ADAMDEC1: variants seen among roughly 807,000 people sequenced by gnomAD.
The protein encoded by ADAMDEC1 is ADAM DEC1.
Under a neutral mutation model 60.4 loss-of-function variants are expected in ADAMDEC1, and 62 were observed. The observed-to-expected ratio is 1.03, with a 90% CI of 0.84 to 1.27. ADAMDEC1 has a LOEUF of 1.27. ADAMDEC1 is among the 50% of genes most tolerant of loss of function. ADAMDEC1 has a pLI of 0.00. For missense variants in ADAMDEC1, 595 were observed against 565.0 expected, an observed-to-expected ratio of 1.05 and a Z score of -0.54; for synonymous variants, 210 against 195.1, an observed-to-expected ratio of 1.08 and a Z score of -0.64.
Position 24,397,664 on chromosome 8 carries a change from T to C in ADAMDEC1, c.628-19T>C, listed in dbSNP as rs1817650202. 1 of 1,604,894 alleles carries C rather than the reference T, an allele frequency of 6.2e-7. No individual in the cohort carries two copies. The highest frequency in any genetic ancestry group is 8.5e-7 in the Non-Finnish European group (1 of 1,173,338). On this transcript the variant is annotated intron_variant, in intron 6 of 13. Transcript: ENST00000256412. Reference sequence around the variant, plus strand: ...GGATAAAGATAATGATTAACAATGTTCTTTTATTCTTTGTAAAGAAAGAAG... The same window carrying C: ...GGATAAAGATAATGATTAACAATGTCCTTTTATTCTTTGTAAAGAAAGAAG...
rs777606543 is a variant in ADAMDEC1 at position 24,402,037 on chromosome 8, T to G, written c.1265T>G (p.Val422Gly). 6.2e-7 allele frequency: 1 copy of G among 1,613,046 alleles called. No individual in the cohort carries two copies. Among genetic ancestry groups the G allele is most frequent in the Non-Finnish European group, 8.5e-7 (1 of 1,179,370 alleles). Residue 422 changes from valine (V) to glycine (G), a missense_variant, in exon 12 of 14, where the codon GTG (valine) becomes GGG (glycine). Coordinates refer to ENST00000256412, the MANE Select transcript of ADAMDEC1 (RefSeq NM_014479.3). Reference protein sequence around the residue: ...PIPTNIMTTPVCGNHLLEVGE... With the variant: ...PIPTNIMTTPGCGNHLLEVGE... ...CCTACAAATATAATGACAACACCAGTGTGTGGGAACCACCTTCTAGAAGTG... is the reference window on the plus strand; with the variant it reads ...CCTACAAATATAATGACAACACCAGGGTGTGGGAACCACCTTCTAGAAGTG...
intron 1 of ADAMDEC1, among the ~76,000 whole-genome samples, chr8:24,390,549 GTCTC>G (rs1817416398): frequency 6.6e-6 from 1 of 152,034 alleles, no homozygotes; most frequent in Admixed American, 6.6e-5. Flanking sequence ...GTGAAATCCT[GTCTC>G]TACTAAAAAT....
rs377596281 is a variant in ADAMDEC1 at position 24,402,047 on chromosome 8, C to A, written c.1275C>A (p.Asn425Lys). ...TAATGACAACACCAGTGTGTGGGAACCACCTTCTAGAAGTGGGAGAAGACT... is the reference window on the plus strand; with the variant it reads ...TAATGACAACACCAGTGTGTGGGAAACACCTTCTAGAAGTGGGAGAAGACT... ...TNIMTTPVCGNHLLEVGEDCD... is the reference protein window; with the variant it reads ...TNIMTTPVCGKHLLEVGEDCD... The change falls in exon 12 of 14, where the codon AAC becomes AAA. Residue 425 changes from asparagine to lysine, a missense_variant. Physicochemically the swap from Asn to Lys is moderately conservative, Grantham distance 94. Transcript: ENST00000256412. 1 of 1,612,942 alleles carries A rather than the reference C, an allele frequency of 6.2e-7. No individual in the cohort carries two copies. The highest frequency in any genetic ancestry group is 8.5e-7 in the Non-Finnish European group (1 of 1,179,208).
At position 24,395,847 on chromosome 8, in the gene ADAMDEC1, A is replaced by C. The variant is rs1410189942; in HGVS notation, c.440+51A>C. On this transcript the variant is annotated intron_variant, in intron 5 of 13. Coordinates refer to ENST00000256412, the MANE Select transcript of ADAMDEC1 (RefSeq NM_014479.3). ...AAGATCAAGAAGCTTTTTGTTACAC[A>C]GAATTAAGGGCTACTAGATATTGTC... 3.6e-6 allele frequency: 5 copies of C among 1,374,222 alleles called. No individual in the cohort carries two copies. In the African/African-American group the frequency reaches 7.2e-5, roughly 20 times the overall value. 85.1% of individuals were successfully genotyped at this position (1,374,222 alleles called of 1,614,324 possible).
In ADAMDEC1 at chr8:24,398,839, G is replaced by C. The variant is rs180842896; in HGVS notation, c.763-35G>C. 4.9e-5 allele frequency: 79 copies of C among 1,602,644 alleles called. No individual in the cohort carries two copies. The Admixed American group carries it at 1.3e-3, about 27-fold the overall frequency. ...AGCTCTCAGACACGAAAGGAATCCT[G>C]AACATTTTTATGAAGATAAATGCTC... On this transcript the variant is annotated intron_variant, in intron 8 of 13. Coordinates refer to ENST00000256412, the MANE Select transcript of ADAMDEC1 (RefSeq NM_014479.3).
At chr8:24,386,830 G>A (rs1236763851) in intron 1 of ADAMDEC1, among the ~76,000 whole-genome samples, 1 of 152,172 alleles carries the variant, frequency 6.6e-6, no homozygotes, top group South Asian at 2.1e-4. Context: ...GCTGACCGAT[G>A]AAGTGAGTAC....
At chr8:24,403,270 T>TA (rs976154874) in intron 12 of ADAMDEC1, among the ~76,000 whole-genome samples, 1 of 152,148 alleles carries the variant, frequency 6.6e-6, no homozygotes, top group Non-Finnish European at 1.5e-5. Context: ...CAAAAAGTAG[T>TA]ATGTATACTT....
In ADAMDEC1 at chr8:24,400,171, C is replaced by T; in HGVS notation, c.1013C>T (p.Ala338Val). The T allele has an allele frequency of 6.4e-7, 1 of 1,568,766 alleles. No individual in the cohort carries two copies. The highest frequency in any genetic ancestry group is 1.2e-5 in the South Asian group (1 of 81,528). Residue 338 changes from alanine (A) to valine (V), a missense_variant and splice_region_variant, in exon 11 of 14, where the codon GCT becomes GTT. By Grantham distance (64) the Ala-to-Val change is moderately conservative (BLOSUM62 0). Coordinates refer to ENST00000256412, the MANE Select transcript of ADAMDEC1 (RefSeq NM_014479.3). ...AATAAATATATCTACTTTTTCCAGGCTAAAAAAAAGAATAATGTGGCTCTT... is the reference window on the plus strand; with the variant it reads ...AATAAATATATCTACTTTTTCCAGGTTAAAAAAAAGAATAATGTGGCTCTT... ...CSPSSVAVIE[A>V]KKKNNVALVG...
chr8:24,385,989 G>T (rs1239864664), intron 1 of ADAMDEC1, among the ~76,000 whole-genome samples: 1 of 151,662 alleles, frequency 6.6e-6, no homozygotes, highest in African/African-American at 2.4e-5. Context: ...TTCCTCAGAG[G>T]TCTCAAAATA....
Position 24,395,704 on chromosome 8 carries a change from C to CT in ADAMDEC1, c.364-10dup, listed in dbSNP as rs1217784071. ...CACACACATTTCTGAAGCATAATTTCTTTTTTCCACTCCAGGAACACTGTT... is the reference window on the plus strand; with the variant it reads ...CACACACATTTCTGAAGCATAATTTCTTTTTTTCCACTCCAGGAACACTGTT... On this transcript the variant is annotated splice_polypyrimidine_tract_variant and intron_variant, in intron 4 of 13. Transcript: ENST00000256412. 4 of 1,592,302 alleles carry CT rather than the reference C, an allele frequency of 2.5e-6. No individual in the cohort carries two copies. The highest frequency in any genetic ancestry group is 3.4e-5 in the Admixed American group (2 of 59,266).
At chr8:24,386,528 C>T (rs982479755) in intron 1 of ADAMDEC1, among the ~76,000 whole-genome samples, 2 of 152,186 alleles carry the variant, frequency 1.3e-5, no homozygotes, top group Non-Finnish European at 2.9e-5. Flanking sequence ...ATTCACCAAT[C>T]TACTGCTCCT....
In ADAMDEC1 at chr8:24,402,054, C is replaced by CT. The variant is rs1563357949; in HGVS notation, c.1283dup (p.Glu429ArgfsTer7). 6.2e-7 allele frequency: 1 copy of CT among 1,612,642 alleles called. No homozygotes were observed. Among genetic ancestry groups the CT allele is most frequent in the Non-Finnish European group, 8.5e-7 (1 of 1,179,136 alleles). Reference sequence around the variant, plus strand: ...AACACCAGTGTGTGGGAACCACCTTCTAGAAGTGGGAGAAGACTGTGATTG... The same window carrying CT: ...AACACCAGTGTGTGGGAACCACCTTCTTAGAAGTGGGAGAAGACTGTGATTG... On this transcript the variant is annotated frameshift_variant, in exon 12 of 14. Transcript: ENST00000256412. LOFTEE classifies it high-confidence loss of function.
In ADAMDEC1 at chr8:24,394,679, C is replaced by G. The variant is rs537028147; in HGVS notation, c.363+532C>G. 3.3e-5 allele frequency among the ~76,000 whole-genome samples: 5 copies of G among 152,074 alleles called. No individual in the cohort carries two copies. The South Asian group carries it at 6.2e-4, about 19-fold the overall frequency. On this transcript the variant is annotated intron_variant, in intron 4 of 13. Transcript: ENST00000256412. ...TCTCAATCAAGAGATGTTCATGTTC[C>G]CAGGCTAAGACAGCTTCTCAGAGCC... is the stretch of plus-strand genomic sequence containing the variant.
intron 9 of ADAMDEC1, 74 bp from the exon 10 acceptor site, chr8:24,399,319 T>G (rs1817700132): frequency 6.9e-7 from 1 of 1,456,918 alleles, no homozygotes; most frequent in Non-Finnish European, 9.6e-7. Flanking sequence ...AGGCAATTCG[T>G]TAATGTAATT....
intron 12 of ADAMDEC1, 48 bp from the exon 13 acceptor site, chr8:24,403,955 G>C: frequency 1.3e-6 from 2 of 1,507,662 alleles, no homozygotes; most frequent in East Asian, 2.3e-5. Context: ...TAGTCTATGG[G>C]AAGAAAATGT....
intron 8 of ADAMDEC1, 117 bp downstream of exon 8, chr8:24,398,668 T>A (rs1585812472): frequency 1.0e-6 from 1 of 966,366 alleles, no homozygotes; most frequent in East Asian, 2.5e-5. Context: ...AGTTAAATAG[T>A]TCAGGGAAAT....
At chr8:24,400,085 TC>T in intron 10 of ADAMDEC1, 84 bp from the exon 11 acceptor site, 1 of 1,148,354 alleles carries the variant, frequency 8.7e-7, no homozygotes, top group Non-Finnish European at 1.2e-6. Context: ...TCACTAGTTT[TC>T]ATCTCTTAAG....
chr8:24,396,050 C>T (rs1204378593), intron 5 of ADAMDEC1, among the ~76,000 whole-genome samples: 3 of 152,196 alleles, frequency 2.0e-5, no homozygotes, highest in Non-Finnish European at 2.9e-5. Flanking sequence ...GGATCCACTT[C>T]TGTGTTTATC....
At chr8:24,384,628 C>A in intron 1 of ADAMDEC1, 36 bp downstream of exon 1, 1 of 1,550,736 alleles carries the variant, frequency 6.4e-7, no homozygotes, top group East Asian at 2.3e-5. Flanking sequence ...ACATAAAAGT[C>A]AAATTATTTG....
Sources: gnomAD v4.1 joint callset for allele counts (sites outside exome capture counted in the v4.1 genomes callset) on GRCh38, gnomAD v4.1.1 for gene constraint, MANE v1.5 for transcripts, NCBI Gene and HGNC (gene_info 2026-07-23, HGNC 2026-07-21) for gene names.